The following TNRC6B variants were observed in gnomAD, a reference collection of about 807,000 sequenced individuals.
The protein encoded by TNRC6B is trinucleotide repeat containing adaptor 6B.
A neutral mutation model predicts 203.6 loss-of-function variants in TNRC6B; 52 were observed. The observed-to-expected ratio is 0.26, with a 90% CI of 0.20 to 0.32. The LOEUF is 0.32. Among genes scored for constraint, TNRC6B ranks in the 10% least tolerant of loss-of-function variants. The probability of loss-of-function intolerance (pLI) is 1.00; values close to 1 mark genes in which losing one functional copy is unlikely to be tolerated. For synonymous variants in TNRC6B, 838 were observed against 845.7 expected (o/e 0.99, Z 0.16); for missense variants, 1,923 against 2,286.2 (o/e 0.84, Z 3.24).
intron 1 of TNRC6B, among the ~76,000 whole-genome samples, chr22:40,053,908 A>T (rs1735925868): frequency 6.6e-6 from 1 of 152,120 alleles, no homozygotes; most frequent in Non-Finnish European, 1.5e-5. Flanking sequence ...ATCTGATCAT[A>T]TTTCTCCCCT....
chr22:40,312,386 A>G (rs2071196239), intron 17 of TNRC6B, 119 bp from the exon 18 acceptor site: 1 of 1,058,876 alleles, frequency 9.4e-7, no homozygotes, highest in Non-Finnish European at 1.3e-6. Flanking sequence ...ATGAAAATCT[A>G]AGAGACAATA....
At chr22:40,152,571 G>A (rs1016632264) in intron 3 of TNRC6B, among the ~76,000 whole-genome samples, 14 of 152,044 alleles carry the variant, frequency 9.2e-5, no homozygotes, top group East Asian at 7.8e-4. Flanking sequence ...CTTGTGATCC[G>A]CCCGCCTTGG....
At chr22:40,157,792 G>T (rs1198390515) in intron 4 of TNRC6B, among the ~76,000 whole-genome samples, 2 of 152,100 alleles carry the variant, frequency 1.3e-5, no homozygotes, top group African/African-American at 2.4e-5. Flanking sequence ...TTTGTCGAGG[G>T]TTTTCTGTGC....
At chr22:40,288,686 G>T (rs890688255) in intron 12 of TNRC6B, among the ~76,000 whole-genome samples, 1 of 152,032 alleles carries the variant, frequency 6.6e-6, no homozygotes, top group Non-Finnish European at 1.5e-5. Context: ...GGGACTACAG[G>T]AGTGTGCCAC....
intron 1 of TNRC6B, among the ~76,000 whole-genome samples, chr22:40,077,579 CA>C (rs1477771254): frequency 1.3e-5 from 2 of 152,120 alleles, no homozygotes; most frequent in African/African-American, 4.8e-5. Context: ...TGCTGGGCTA[CA>C]AGCAGTTTTT....
At chr22:40,081,798 G>A (rs1194565379) in intron 1 of TNRC6B, among the ~76,000 whole-genome samples, 1 of 152,004 alleles carries the variant, frequency 6.6e-6, no homozygotes. Flanking sequence ...CAAGACTTTG[G>A]ATAAGACTTT....
intron 11 of TNRC6B, among the ~76,000 whole-genome samples, chr22:40,283,976 A>G (rs528476608): frequency 6.6e-6 from 1 of 152,358 alleles, no homozygotes; most frequent in South Asian, 2.1e-4. Flanking sequence ...CATTACTTTG[A>G]TGATAAAGTG....
chr22:40,065,228 C>T (rs1434511033), intron 1 of TNRC6B, among the ~76,000 whole-genome samples: 2 of 152,012 alleles, frequency 1.3e-5, no homozygotes, highest in Admixed American at 1.3e-4. Context: ...CCCACTGTAA[C>T]CTTGAACTCC....
chr22:40,222,946 C>A (rs924367432), intron 1 of TNRC6B, among the ~76,000 whole-genome samples: 9 of 151,574 alleles, frequency 5.9e-5, no homozygotes, highest in Non-Finnish European at 1.3e-4. Context: ...GGGGTTTCAC[C>A]ACGTCACCCA....
At chr22:40,113,712 G>T (rs146527667) in intron 1 of TNRC6B, among the ~76,000 whole-genome samples, 3 of 152,196 alleles carry the variant, frequency 2.0e-5, no homozygotes. Context: ...ATATCTTCTT[G>T]TCCGCTTGGG....
intron 12 of TNRC6B, among the ~76,000 whole-genome samples, chr22:40,286,949 C>T (rs956717548): frequency 6.6e-6 from 1 of 152,218 alleles, no homozygotes. Flanking sequence ...AAGATGGGAG[C>T]GCTTATTAGA....
intron 1 of TNRC6B, among the ~76,000 whole-genome samples, chr22:40,227,204 C>T (rs1218800096): frequency 2.0e-5 from 3 of 149,594 alleles, no homozygotes; most frequent in African/African-American, 7.4e-5. Flanking sequence ...CCTCAGCCTC[C>T]GAAAGTGCTG....
chr22:40,122,002 A>C (rs1490674241), intron 2 of TNRC6B, among the ~76,000 whole-genome samples: 1 of 152,222 alleles, frequency 6.6e-6, no homozygotes, highest in Non-Finnish European at 1.5e-5. Flanking sequence ...CCAAGGCCCA[A>C]AGTCCTGGCC....
chr22:40,106,960 C>G (rs2068289378), intron 1 of TNRC6B: 1 of 1,183,470 alleles, frequency 8.4e-7, no homozygotes, highest in Non-Finnish European at 1.2e-6. Flanking sequence ...GGGCAAACTT[C>G]TTTCTCAGGC....
At chr22:40,076,962 C>G (rs2068019816) in intron 1 of TNRC6B, among the ~76,000 whole-genome samples, 1 of 148,808 alleles carries the variant, frequency 6.7e-6, no homozygotes, top group South Asian at 2.1e-4. Flanking sequence ...GAATTTGAGA[C>G]TAGTCTGAGC....
At chr22:40,131,376 T>C (rs193005724) in intron 3 of TNRC6B, among the ~76,000 whole-genome samples, 1 of 151,668 alleles carries the variant, frequency 6.6e-6, no homozygotes, top group African/African-American at 2.4e-5. Context: ...GAGTTGGGAA[T>C]TGTAGACTTT....
intron 3 of TNRC6B, among the ~76,000 whole-genome samples, chr22:40,148,157 T>C (rs2068711233): frequency 6.6e-6 from 1 of 152,098 alleles, no homozygotes; most frequent in South Asian, 2.1e-4. Context: ...AAAACCATGA[T>C]TAGAATTGGC....
In TNRC6B at chr22:40,330,865, A is replaced by G. The variant is rs1488312408; in HGVS notation, c.*7624A>G. 2 of 152,620 alleles carry G rather than the reference A, an allele frequency of 1.3e-5. No individual in the cohort carries two copies. Among genetic ancestry groups the G allele is most frequent in the Admixed American group, 6.5e-5 (1 of 15,282 alleles). 9.5% of individuals were successfully genotyped at this position (152,620 alleles called of 1,614,324 possible). A position where few individuals can be genotyped will look rare whatever the true frequency, so the allele number is the denominator to read the frequency against. On this transcript the variant is annotated 3_prime_UTR_variant, in exon 23 of 23. Transcript: ENST00000454349. ...AGCTGTTGAGATTTCATTAGCATCAATATTGCACAGTGTAGAGTTGAGTGG... is the reference window on the plus strand; with the variant it reads ...AGCTGTTGAGATTTCATTAGCATCAGTATTGCACAGTGTAGAGTTGAGTGG...
At chr22:40,270,699 G>GAA (rs2070550257) in intron 6 of TNRC6B, among the ~76,000 whole-genome samples, 1 of 152,156 alleles carries the variant, frequency 6.6e-6, no homozygotes, top group Non-Finnish European at 1.5e-5. Context: ...TTAAGCTGTT[G>GAA]ATTCAATGAG....
Sources: gnomAD v4.1 joint callset for allele counts (sites outside exome capture counted in the v4.1 genomes callset) on GRCh38, gnomAD v4.1.1 for gene constraint, MANE v1.5 for transcripts, NCBI Gene and HGNC (gene_info 2026-07-23, HGNC 2026-07-21) for gene names.